DNAAF9: variants seen among roughly 807,000 people sequenced by gnomAD.
DNAAF9 encodes shulin.
In DNAAF9, 90 loss-of-function variants were observed where a neutral mutation model predicts 167.0. The observed-to-expected ratio is 0.54, with a 90% CI of 0.45 to 0.64. The LOEUF (loss-of-function observed/expected upper bound fraction) is 0.64. Ranked by LOEUF, DNAAF9 falls within the 30% of genes least tolerant of loss-of-function variation. The probability of loss-of-function intolerance (pLI) is 0.00; values close to 1 mark genes in which losing one functional copy is unlikely to be tolerated. For missense variants in DNAAF9, 1,315 were observed against 1,442.2 expected (o/e 0.91, Z 1.43); for synonymous variants, 491 against 508.8 (o/e 0.96, Z 0.47).
At position 3,369,440 on chromosome 20, in the gene DNAAF9, G is replaced by A. The variant is rs6051805; in HGVS notation, c.612+4608C>T. Among the ~76,000 whole-genome samples, 994 of 151,114 alleles carry A rather than the reference G, an allele frequency of 6.6e-3. 8 individuals carry two copies. Among genetic ancestry groups the A allele is most frequent in the African/African-American group, 0.023 (950 of 41,064 alleles). On this transcript the variant is annotated intron_variant, in intron 6 of 36. Transcript: ENST00000252032. ...CGCCCAGGCTGGAGTGTAGTGGTGC[G>A]ATCTCAGCTCACTGCAACCCCCACT...
intron 12 of DNAAF9, among the ~76,000 whole-genome samples, chr20:3,329,736 T>A (rs2069785777): frequency 6.6e-6 from 1 of 152,180 alleles, no homozygotes; most frequent in Non-Finnish European, 1.5e-5. Flanking sequence ...CCCACCAAGT[T>A]AAGCTGCAGT....
At chr20:3,392,710 T>C (rs574355117) in intron 1 of DNAAF9, among the ~76,000 whole-genome samples, 1 of 152,256 alleles carries the variant, frequency 6.6e-6, no homozygotes, top group African/African-American at 2.4e-5. Context: ...TGTTTGTTTA[T>C]ATTTCATTAT....
chr20:3,344,083 T>C (rs912835057), intron 8 of DNAAF9, among the ~76,000 whole-genome samples: 1 of 151,952 alleles, frequency 6.6e-6, no homozygotes, highest in African/African-American at 2.4e-5. Flanking sequence ...TGCAAGAAAA[T>C]TGGACCAATC....
intron 20 of DNAAF9, among the ~76,000 whole-genome samples, chr20:3,310,388 A>AGAAAGAAAGAAAGAAAGAAT (rs1491207193): frequency 3.3e-4 from 50 of 151,200 alleles, no homozygotes; most frequent in South Asian, 6.3e-4. Context: ...AAAGAAAGAA[A>AGAAAGAAAGAAAGAAAGAAT]GAATTCCTAA....
In DNAAF9 at chr20:3,298,056, C is replaced by T. The variant is rs746785560; in HGVS notation, c.1902G>A (p.Ser634=). The change falls in exon 22 of 37, where the codon TCG becomes TCA. Residue 634 remains serine, a synonymous_variant. Coordinates refer to ENST00000252032, the MANE Select transcript of DNAAF9 (RefSeq NM_001009984.3). ...CTGAGTAAAATGCTTGGTATATCTT[C>T]GATTTGGGGAAAAGGGCAATCATCA... ...NFLMIALFPK[S]KIYQAFYSEV... 30 of 1,612,948 alleles carry T rather than the reference C, an allele frequency of 1.9e-5. No individual in the cohort carries two copies. The Admixed American group carries it at 3.7e-4, about 20-fold the overall frequency.
chr20:3,364,490 C>G (rs2083405165), intron 6 of DNAAF9, among the ~76,000 whole-genome samples: 1 of 152,126 alleles, frequency 6.6e-6, no homozygotes, highest in Non-Finnish European at 1.5e-5. Flanking sequence ...GCTACTGAGA[C>G]AAAATCCTCC....
At chr20:3,353,254 C>T (rs1183388787) in intron 7 of DNAAF9, among the ~76,000 whole-genome samples, 2 of 151,924 alleles carry the variant, frequency 1.3e-5, no homozygotes, top group Non-Finnish European at 2.9e-5. Flanking sequence ...AAGCTGTGCC[C>T]AAAGCCACCC....
At chr20:3,257,704 C>T (rs188948896) in intron 33 of DNAAF9, among the ~76,000 whole-genome samples, 14 of 151,678 alleles carry the variant, frequency 9.2e-5, no homozygotes, top group African/African-American at 3.1e-4. Flanking sequence ...CCACCATGCC[C>T]GGCTAATTTT....
At position 3,407,609 on chromosome 20, in the gene DNAAF9, G is replaced by C. The variant is rs2084083584; in HGVS notation, c.-52C>G. 1 of 1,206,554 alleles carries C rather than the reference G, an allele frequency of 8.3e-7. No homozygotes were observed. Among genetic ancestry groups the C allele is most frequent in the East Asian group, 3.4e-5 (1 of 29,646 alleles). 74.7% of individuals were successfully genotyped at this position (1,206,554 alleles called of 1,614,324 possible). ...GGACGGTGCAGCTGCGAGGGTCTCA[G>C]TTGCCCGCAGGGCGGCTCCACGCTA... On this transcript the variant is annotated 5_prime_UTR_variant, in exon 1 of 37. Transcript: ENST00000252032.
At chr20:3,327,666 A>C (rs1233520601) in intron 12 of DNAAF9, among the ~76,000 whole-genome samples, 2 of 152,234 alleles carry the variant, frequency 1.3e-5, no homozygotes, top group African/African-American at 2.4e-5. Flanking sequence ...CTTATAGAAG[A>C]AGCAATAAGG....
chr20:3,382,224 G>T (rs997263831), intron 2 of DNAAF9, among the ~76,000 whole-genome samples: 1 of 152,160 alleles, frequency 6.6e-6, no homozygotes, highest in Non-Finnish European at 1.5e-5. Context: ...GCTTAAGGCA[G>T]AAGTAGCTCC....
intron 29 of DNAAF9, among the ~76,000 whole-genome samples, chr20:3,274,411 G>A (rs763337786): frequency 1.4e-4 from 21 of 152,168 alleles, no homozygotes; most frequent in Non-Finnish European, 2.4e-4. Context: ...CCAAAGTGCT[G>A]GGAATGCAGG....
intron 23 of DNAAF9, chr20:3,295,713 T>C: frequency 8.3e-6 from 5 of 600,606 alleles, no homozygotes; most frequent in South Asian, 6.9e-5. Flanking sequence ...CGTCCCCTTT[T>C]ATTATCTGGC....
intron 15 of DNAAF9, 35 bp downstream of exon 15, chr20:3,322,617 C>T (rs370176331): frequency 2.6e-6 from 4 of 1,538,634 alleles, no homozygotes; most frequent in Middle Eastern, 1.7e-4. Context: ...CTAAAACTTG[C>T]TCCATGTAAG....
intron 16 of DNAAF9, among the ~76,000 whole-genome samples, chr20:3,318,698 T>C (rs2069553737): frequency 6.6e-6 from 1 of 152,144 alleles, no homozygotes; most frequent in Non-Finnish European, 1.5e-5. Context: ...CAGTGGCTCA[T>C]GCCTGTAATC....
chr20:3,316,887 G>GTTAT, intron 17 of DNAAF9, 94 bp from the exon 18 acceptor site: 6 of 456,464 alleles, frequency 1.3e-5, no homozygotes, highest in Non-Finnish European at 2.3e-5. Context: ...AGGAGCTAGG[G>GTTAT]TTCTTTTTTT....
intron 3 of DNAAF9, among the ~76,000 whole-genome samples, chr20:3,379,339 C>T (rs1047733708): frequency 2.9e-4 from 44 of 149,952 alleles, no homozygotes; most frequent in African/African-American, 1.0e-3. Context: ...TAGGCTGGTG[C>T]GGTGGCTCAT....
At position 3,343,565 on chromosome 20, in the gene DNAAF9, T is replaced by C. The variant is rs1347771776; in HGVS notation, c.845+111A>G. 1 of 736,152 alleles carries C rather than the reference T, an allele frequency of 1.4e-6. No homozygotes were observed. The highest frequency in any genetic ancestry group is 2.4e-6 in the Non-Finnish European group (1 of 418,574). The allele number at this position is 736,152 out of a possible 1,614,324, so 45.6% of individuals were successfully genotyped here. ...CCCTGTGATAACTAAAGTCAACCCA[T>C]ATTTTCCTGACTCTAGCTTCTGAAC... On this transcript the variant is annotated intron_variant, in intron 9 of 36. Coordinates refer to ENST00000252032, the MANE Select transcript of DNAAF9 (RefSeq NM_001009984.3).
intron 33 of DNAAF9, 65 bp downstream of exon 33, chr20:3,259,415 G>C (rs568056962): frequency 1.6e-5 from 17 of 1,035,126 alleles, no homozygotes; most frequent in Non-Finnish European, 2.5e-5. Flanking sequence ...CAGAGGCTCT[G>C]AACTCACATC....
Sources: allele counts gnomAD v4.1 joint callset (sites outside exome capture counted in the v4.1 genomes callset), GRCh38; gene constraint gnomAD v4.1.1; transcripts MANE v1.5; gene names NCBI Gene and HGNC (gene_info 2026-07-23, HGNC 2026-07-21).